Variants in ATPAF1 observed in about 807,000 individuals in gnomAD.
ATPAF1 encodes the protein homolog of yeast ATP11.
ATPAF1 carries 26 observed loss-of-function variants against 43.9 expected under a neutral mutation model. That is an observed-to-expected ratio of 0.59 (90% CI 0.43 to 0.82). The LOEUF (loss-of-function observed/expected upper bound fraction) is 0.82. Ranked by LOEUF, ATPAF1 falls within the 40% of genes least tolerant of loss-of-function variation. The pLI, the probability that ATPAF1 is intolerant of heterozygous loss-of-function variation, is 0.00. For missense variants in ATPAF1, 366 were observed against 435.0 expected (o/e 0.84, Z 1.41); for synonymous variants, 157 against 168.0 (o/e 0.93, Z 0.50).
intron 4 of ATPAF1, 65 bp downstream of exon 4, chr1:46,658,062 C>T: frequency 1.4e-6 from 2 of 1,469,804 alleles, no homozygotes; most frequent in Non-Finnish European, 1.9e-6. Flanking sequence ...AGAAAATGTA[C>T]TTTCAGATTT....
At chr1:46,666,002 G>T in intron 1 of ATPAF1, 1 of 404,044 alleles carries the variant, frequency 2.5e-6, no homozygotes, top group South Asian at 4.5e-5. Context: ...AGACTGTGTA[G>T]CTAACCATGG....
chr1:46,665,843 A>G (rs1398548344), intron 1 of ATPAF1: 3 of 1,427,212 alleles, frequency 2.1e-6, no homozygotes, highest in Non-Finnish European at 2.7e-6. Flanking sequence ...ATTTTGCAGA[A>G]GATTTAGCAT....
At chr1:46,645,464 T>C (rs895402195) in intron 6 of ATPAF1, among the ~76,000 whole-genome samples, 7 of 151,890 alleles carry the variant, frequency 4.6e-5, no homozygotes, top group African/African-American at 1.5e-4. Context: ...TGGGCTCAGG[T>C]GATCTTCCCA....
exon 2 of ATPAF1, chr1:46,665,284 C>T (rs768506715): frequency 4.3e-6 from 7 of 1,614,170 alleles, no homozygotes; most frequent in Admixed American, 3.3e-5. Flanking sequence ...GATAAAATCA[C>T]CTTGCCTGGA....
chr1:46,652,347 C>G, intron 6 of ATPAF1: 1 of 421,352 alleles, frequency 2.4e-6, no homozygotes, highest in Non-Finnish European at 4.2e-6. Context: ...TGGGTCAAAC[C>G]CACATGATTT....
downstream of ATPAF1, chr1:46,633,463 G>C: frequency 3.2e-6 from 1 of 311,938 alleles, no homozygotes; most frequent in South Asian, 2.8e-5. Flanking sequence ...TTGTTCAACA[G>C]TATAGAGCTA....
chr1:46,643,108 ATT>A, intron 8 of ATPAF1, 84 bp downstream of exon 8: 1 of 1,113,470 alleles, frequency 9.0e-7, no homozygotes, highest in South Asian at 1.4e-5. Flanking sequence ...GCTCTTTGAA[ATT>A]TTCTCTCTCA....
intron 6 of ATPAF1, among the ~76,000 whole-genome samples, chr1:46,647,889 T>A (rs1160531353): frequency 6.6e-6 from 1 of 152,248 alleles, no homozygotes; most frequent in Non-Finnish European, 1.5e-5. Flanking sequence ...ATTCCCATTA[T>A]GACTAATGCT....
chr1:46,654,325 C>T (rs1447467435), intron 4 of ATPAF1, among the ~76,000 whole-genome samples: 1 of 152,058 alleles, frequency 6.6e-6, no homozygotes, highest in Non-Finnish European at 1.5e-5. Context: ...TTACTGAAAA[C>T]TCCCTAAAAA....
intron 2 of ATPAF1, among the ~76,000 whole-genome samples, chr1:46,664,362 G>A (rs1676451664): frequency 6.6e-6 from 1 of 152,194 alleles, no homozygotes; most frequent in Non-Finnish European, 1.5e-5. Flanking sequence ...GCAAACTGAG[G>A]CATGGAGAAG....
chr1:46,667,439 T>C (rs1261302107), intron 1 of ATPAF1, among the ~76,000 whole-genome samples: 1 of 152,176 alleles, frequency 6.6e-6, no homozygotes, highest in Admixed American at 6.5e-5. Flanking sequence ...CTCCAGATCC[T>C]TCCCTCTGGA....
chr1:46,666,062 C>T (rs12402844), intron 1 of ATPAF1: 4,160 of 208,302 alleles, frequency 0.02, 69 homozygotes, highest in Non-Finnish European at 0.028. Context: ...GGGATTCCAG[C>T]TCTTTGGCCA....
intron 4 of ATPAF1, among the ~76,000 whole-genome samples, chr1:46,654,337 C>T (rs972957150): frequency 4.6e-5 from 7 of 152,044 alleles, no homozygotes; most frequent in African/African-American, 1.7e-4. Flanking sequence ...CCCTAAAAAA[C>T]ATCAATAAAA....
intron 6 of ATPAF1, among the ~76,000 whole-genome samples, chr1:46,647,231 T>A (rs1205618717): frequency 6.6e-6 from 1 of 152,200 alleles, no homozygotes; most frequent in East Asian, 1.9e-4. Context: ...CCCCAAGATA[T>A]AAGACATATT....
chr1:46,645,929 C>A (rs1018674096), intron 6 of ATPAF1, among the ~76,000 whole-genome samples: 3 of 152,188 alleles, frequency 2.0e-5, no homozygotes, highest in African/African-American at 7.2e-5. Context: ...AATTCCAGCA[C>A]TTTGGAAGGC....
chr1:46,650,837 A>T (rs1336396190), intron 6 of ATPAF1, among the ~76,000 whole-genome samples: 1 of 151,982 alleles, frequency 6.6e-6, no homozygotes, highest in East Asian at 1.9e-4. Context: ...CTGATCTCAT[A>T]GAAGGAGAGA....
At chr1:46,650,246 GA>G (rs940826621) in intron 6 of ATPAF1, among the ~76,000 whole-genome samples, 30 of 141,090 alleles carry the variant, frequency 2.1e-4, no homozygotes, top group Middle Eastern at 3.6e-3. Context: ...CAGCTATTAC[GA>G]AAAAAAAAAA....
At chr1:46,644,371 G>A (rs539646711) in intron 7 of ATPAF1, among the ~76,000 whole-genome samples, 107 of 152,208 alleles carry the variant, frequency 7.0e-4, no homozygotes, top group African/African-American at 2.5e-3. Context: ...TAAATATGGC[G>A]TATTATGAGG....
chr1:46,636,695 T>C (rs1206288537), intron 8 of ATPAF1, among the ~76,000 whole-genome samples: 1 of 151,750 alleles, frequency 6.6e-6, no homozygotes, highest in Non-Finnish European at 1.5e-5. Context: ...GGTAGGAGGA[T>C]TGCTTGAGCC....
Sources: gnomAD v4.1 joint callset for allele counts (sites outside exome capture counted in the v4.1 genomes callset) on GRCh38, gnomAD v4.1.1 for gene constraint, MANE v1.5 for transcripts, NCBI Gene and HGNC (gene_info 2026-07-23, HGNC 2026-07-21) for gene names.